Variants in CPNE4 observed in about 807,000 individuals in gnomAD.
The protein encoded by CPNE4 is copine 4.
In CPNE4, 25 loss-of-function variants were observed where a neutral mutation model predicts 67.9. That is an observed-to-expected ratio of 0.37 (90% CI 0.27 to 0.51). The LOEUF is 0.51. Among genes scored for constraint, CPNE4 ranks in the 20% least tolerant of loss-of-function variants. CPNE4 has a pLI of 0.93. For synonymous variants in CPNE4, 242 were observed against 244.9 expected (o/e 0.99, Z 0.11); for missense variants, 464 against 690.8 (o/e 0.67, Z 3.68).
intron 1 of CPNE4, among the ~76,000 whole-genome samples, chr3:131,978,109 A>T (rs1456723308): frequency 3.3e-5 from 2 of 60,408 alleles, no homozygotes; most frequent in Non-Finnish European, 4.8e-5. Flanking sequence ...AAATATATAT[A>T]AAATATATAT....
At chr3:131,876,511 G>A (rs1268742050) in intron 2 of CPNE4, among the ~76,000 whole-genome samples, 2 of 148,748 alleles carry the variant, frequency 1.3e-5, no homozygotes, top group Non-Finnish European at 3.0e-5. Flanking sequence ...ATGTGGTGGC[G>A]GGCGCCTGTA....
rs1302521076 is a variant in CPNE4, at chr3:131,845,932, C to A, written c.180+59332G>T. Among the ~76,000 whole-genome samples, 5 of 152,154 alleles carry A rather than the reference C, an allele frequency of 3.3e-5. No homozygotes were observed. In the East Asian group the frequency reaches 7.7e-4, roughly 23 times the overall value. On this transcript the variant is annotated intron_variant, in intron 2 of 15. Coordinates refer to ENST00000429747, the MANE Select transcript of CPNE4 (RefSeq NM_130808.3). ...TTGAGGATTGAGTTTCCATTTCTTACTGAAATGGGGTAAACATTGCCAGTT... is the reference window on the plus strand; with the variant it reads ...TTGAGGATTGAGTTTCCATTTCTTAATGAAATGGGGTAAACATTGCCAGTT...
At chr3:131,884,872 A>C (rs1583401853) in intron 2 of CPNE4, among the ~76,000 whole-genome samples, 1 of 152,296 alleles carries the variant, frequency 6.6e-6, no homozygotes, top group East Asian at 1.9e-4. Flanking sequence ...CCCTAGCCAC[A>C]TGGAACTGTA....
chr3:131,636,144 T>A (rs1206522280), intron 7 of CPNE4, among the ~76,000 whole-genome samples: 1 of 151,316 alleles, frequency 6.6e-6, no homozygotes, highest in Non-Finnish European at 1.5e-5. Context: ...CCACAGACCC[T>A]TTGAAGGAAC....
intron 7 of CPNE4, among the ~76,000 whole-genome samples, chr3:131,601,158 G>A (rs1203395598): frequency 6.6e-6 from 1 of 151,972 alleles, no homozygotes; most frequent in Non-Finnish European, 1.5e-5. Flanking sequence ...GGACAACTAG[G>A]TAATCATCCT....
At chr3:131,577,523 G>A (rs895457759) in intron 9 of CPNE4, among the ~76,000 whole-genome samples, 2 of 152,134 alleles carry the variant, frequency 1.3e-5, no homozygotes, top group African/African-American at 4.8e-5. Context: ...GTAAGCAACT[G>A]TAACACAACT....
chr3:131,801,502 C>G (rs534845952), intron 2 of CPNE4, among the ~76,000 whole-genome samples: 46 of 123,804 alleles, frequency 3.7e-4, no homozygotes, highest in African/African-American at 1.4e-3. Context: ...AGAGTTGAAT[C>G]TATACGATTA....
At chr3:131,999,797 A>G (rs1047097708) in intron 1 of CPNE4, among the ~76,000 whole-genome samples, 2 of 152,068 alleles carry the variant, frequency 1.3e-5, no homozygotes, top group African/African-American at 4.8e-5. Context: ...TTGGAAAAGA[A>G]AAGAAGGCTA....
At chr3:131,581,511 A>G in intron 9 of CPNE4, 68 bp downstream of exon 9, 2 of 1,029,378 alleles carry the variant, frequency 1.9e-6, no homozygotes, top group Non-Finnish European at 3.1e-6. Flanking sequence ...CTCTGACCAC[A>G]CCACCTGAAC....
chr3:131,929,673 A>G (rs2070998730), intron 1 of CPNE4, among the ~76,000 whole-genome samples: 1 of 152,070 alleles, frequency 6.6e-6, no homozygotes, highest in African/African-American at 2.4e-5. Context: ...CTCCCTTATC[A>G]AAATTCACCC....
At chr3:131,762,376 A>G (rs766187851) in intron 2 of CPNE4, among the ~76,000 whole-genome samples, 2 of 152,056 alleles carry the variant, frequency 1.3e-5, no homozygotes, top group Admixed American at 6.6e-5. Context: ...ACTTCATCCA[A>G]TCCTCACAAA....
chr3:131,828,597 T>C lies in CPNE4; in HGVS notation c.180+76667A>G, dbSNP rs561406544. Among the ~76,000 whole-genome samples the C allele has an allele frequency of 6.4e-4, 97 of 152,338 alleles. No homozygotes were observed. In the South Asian group the frequency reaches 0.011, roughly 17 times the overall value. ...CTGCAAAGAAAGTTGCTCTGAACAA[T>C]GTTGTGTAAGTCATTGGGTGGTTAT... On this transcript the variant is annotated intron_variant, in intron 2 of 15. Transcript: ENST00000429747.
Position 131,825,042 on chromosome 3 carries a change from A to T in CPNE4, c.180+80222T>A, listed in dbSNP as rs548450782. Among the ~76,000 whole-genome samples the T allele has an allele frequency of 2.6e-5, 4 of 152,216 alleles. No homozygotes were observed. The East Asian group carries it at 5.8e-4, about 22-fold the overall frequency. Reference sequence around the variant, plus strand: ...AGCAGGACCCTTTGAAGGACCTAAGAGCTTCAGAGCCCGACAAGGGATCTA... The same window carrying T: ...AGCAGGACCCTTTGAAGGACCTAAGTGCTTCAGAGCCCGACAAGGGATCTA... On this transcript the variant is annotated intron_variant, in intron 2 of 15. Coordinates refer to ENST00000429747, the MANE Select transcript of CPNE4 (RefSeq NM_130808.3).
chr3:131,665,183 AGAC>A (rs2080227118), intron 7 of CPNE4, among the ~76,000 whole-genome samples: 1 of 152,134 alleles, frequency 6.6e-6, no homozygotes, highest in African/African-American at 2.4e-5. Context: ...CAACATAGCA[AGAC>A]TCTGTCTCTA....
chr3:131,837,577 T>TG (rs1411926193), intron 2 of CPNE4, among the ~76,000 whole-genome samples: 2 of 151,968 alleles, frequency 1.3e-5, no homozygotes, highest in Non-Finnish European at 2.9e-5. Flanking sequence ...AGATTTTTTT[T>TG]GGGGGGTGAG....
At chr3:131,678,940 G>A (rs572808484) in intron 6 of CPNE4, among the ~76,000 whole-genome samples, 180 of 152,270 alleles carry the variant, frequency 1.2e-3, no homozygotes, top group African/African-American at 4.2e-3. Context: ...GATGATGCTG[G>A]CCCCATAGAA....
intron 2 of CPNE4, among the ~76,000 whole-genome samples, chr3:131,813,464 ATTTT>A (rs760221627): frequency 1.3e-3 from 188 of 148,910 alleles, no homozygotes; most frequent in Non-Finnish European, 2.3e-3. Flanking sequence ...TTAAAAATAT[ATTTT>A]ATTTATATGT....
At chr3:131,623,464 T>C (rs1940583612) in intron 7 of CPNE4, among the ~76,000 whole-genome samples, 2 of 152,208 alleles carry the variant, frequency 1.3e-5, no homozygotes, top group Admixed American at 1.3e-4. Context: ...CTGTCAGCAG[T>C]CACAAGAGAG....
intron 2 of CPNE4, among the ~76,000 whole-genome samples, chr3:131,902,306 G>A (rs1039470180): frequency 2.0e-5 from 3 of 152,056 alleles, no homozygotes; most frequent in Non-Finnish European, 4.4e-5. Flanking sequence ...AAAGTTTGTG[G>A]TAGCTGTGTG....
Sources: gnomAD v4.1 joint callset for allele counts (sites outside exome capture counted in the v4.1 genomes callset) on GRCh38, gnomAD v4.1.1 for gene constraint, MANE v1.5 for transcripts, NCBI Gene and HGNC (gene_info 2026-07-23, HGNC 2026-07-21) for gene names.